Variants in MBOAT7 observed in about 807,000 individuals in gnomAD.
MBOAT7 encodes membrane bound acylglycerophosphatidylinositol O-acyltransferase MBOAT7.
Under a neutral mutation model 47.4 loss-of-function variants are expected in MBOAT7, and 40 were observed. That is an observed-to-expected ratio of 0.84 (90% CI 0.66 to 1.10). MBOAT7 has a LOEUF of 1.10. Among genes scored for constraint, MBOAT7 ranks in the 50% least tolerant of loss-of-function variants. The probability of loss-of-function intolerance (pLI) is 0.00; values close to 1 mark genes in which losing one functional copy is unlikely to be tolerated. For missense variants in MBOAT7, 680 were observed against 655.6 expected (o/e 1.04, Z -0.41); for synonymous variants, 361 against 292.0 (o/e 1.24, Z -2.41).
chr19:54,178,691 G>A (rs1052118032), intron 7 of MBOAT7, 74 bp downstream of exon 7: 33 of 1,558,624 alleles, frequency 2.1e-5, no homozygotes, highest in South Asian at 1.1e-4. Flanking sequence ...AGCCAGGGAC[G>A]CTGCAGGCTA....
At chr19:54,188,064 AG>A (rs879444837) in intron 3 of MBOAT7, among the ~76,000 whole-genome samples, 152 bp downstream of exon 3, 9 of 56,626 alleles carry the variant, frequency 1.6e-4, no homozygotes, top group Admixed American at 2.9e-4. Context: ...AAAGAAAGAA[AG>A]AAAGACAAAC....
In MBOAT7 at chr19:54,188,491, C is replaced by T; in HGVS notation, c.18G>A (p.Trp6Ter). The T allele has an allele frequency of 6.4e-7, 1 of 1,553,686 alleles. No homozygotes were observed. Among genetic ancestry groups the T allele is most frequent in the Non-Finnish European group, 8.7e-7 (1 of 1,147,852 alleles). Residue 6 changes from tryptophan (W) to a stop codon, truncating the protein, a stop_gained, in exon 2 of 8, where the codon TGG becomes TGA. Transcript: ENST00000245615. LOFTEE classifies it high-confidence loss of function. MSPEE[W>*]TYLVVLLISI... ...AGATAAGAAGAACCACTAGATACGT[C>T]CATTCTTCAGGCGACATGGTCTGGG...
chr19:54,178,986 C>G lies in MBOAT7; in HGVS notation c.855-45G>C, dbSNP rs377123036. The G allele has an allele frequency of 6.2e-6, 10 of 1,600,550 alleles. No individual in the cohort carries two copies. In the African/African-American group the frequency reaches 1.1e-4, roughly 17 times the overall value. On this transcript the variant is annotated intron_variant, in intron 6 of 7. Coordinates refer to ENST00000245615, the MANE Select transcript of MBOAT7 (RefSeq NM_024298.5). ...GGTGGGGGACAGACATGCAGCTCAG[C>G]CAGGCCCCCTCCCGACGCCTGCTAG...
chr19:54,181,937 A>G (rs1188673968), intron 5 of MBOAT7, among the ~76,000 whole-genome samples: 129 of 17,596 alleles, frequency 7.3e-3, no homozygotes, highest in Admixed American at 9.8e-3. Flanking sequence ...GAGGGAGGGA[A>G]GGAGGGAAGG....
Position 54,187,251 on chromosome 19 carries a change from G to C in MBOAT7, c.243C>G (p.Ser81=). 1.9e-6 allele frequency: 3 copies of C among 1,610,600 alleles called. No individual in the cohort carries two copies. In the African/African-American group the frequency reaches 4.0e-5, roughly 21 times the overall value. Residue 81 remains serine (S), a synonymous_variant, in exon 4 of 8, where the codon TCC becomes TCG. Transcript: ENST00000245615. The part of the protein sequence containing the change: ...CHALALAWTF[S]YLLFFRALSL... ...TGAGGGCTCGGAAGAACAGGAGATA[G>C]GAGAAAGTCCAGGCCAGAGCCAGGG...
At position 54,178,827 on chromosome 19, in the gene MBOAT7, C is replaced by A; in HGVS notation, c.969G>T (p.Thr323=). The A allele has an allele frequency of 6.2e-7, 1 of 1,613,618 alleles. No individual in the cohort carries two copies. The highest frequency in any genetic ancestry group is 1.7e-5 in the Admixed American group (1 of 60,018). The part of the protein sequence containing the change: ...VRDGMRYWNM[T]VQWWLAQYIY... ...TATACTGCGCCAGCCACCACTGCAC[C>A]GTCATGTTCCAGTACCGCATGCCAT... The change falls in exon 7 of 8, where the codon ACG becomes ACT. Residue 323 remains threonine, a synonymous_variant. Coordinates refer to ENST00000245615, the MANE Select transcript of MBOAT7 (RefSeq NM_024298.5).
intron 5 of MBOAT7, 88 bp downstream of exon 5, chr19:54,183,433 G>C: frequency 6.7e-7 from 1 of 1,486,858 alleles, no homozygotes; most frequent in South Asian, 1.3e-5. Context: ...AGGTTGCCCT[G>C]GGCAGGGCGG....
intron 7 of MBOAT7, among the ~76,000 whole-genome samples, chr19:54,175,169 G>T (rs151179818): frequency 4.6e-5 from 7 of 151,960 alleles, no homozygotes; most frequent in Non-Finnish European, 7.4e-5. Context: ...TAGTAGAGAC[G>T]GGGTTTCACC....
chr19:54,175,199 CG>C (rs2076069572), intron 7 of MBOAT7, among the ~76,000 whole-genome samples: 2 of 152,104 alleles, frequency 1.3e-5, no homozygotes, highest in African/African-American at 2.4e-5. Flanking sequence ...AGGATGGTCT[CG>C]ATCTCCTGAC....
chr19:54,182,862 G>T (rs760806232), intron 5 of MBOAT7, among the ~76,000 whole-genome samples: 1 of 151,908 alleles, frequency 6.6e-6, no homozygotes, highest in Non-Finnish European at 1.5e-5. Flanking sequence ...CACCATGCCC[G>T]GCTAATTTTT....
chr19:54,185,465 T>C (rs934939892), intron 4 of MBOAT7, among the ~76,000 whole-genome samples: 1 of 152,092 alleles, frequency 6.6e-6, no homozygotes, highest in Non-Finnish European at 1.5e-5. Context: ...CACCATCCCT[T>C]CTTGCTCTTC....
At chr19:54,175,927 G>A (rs994062759) in intron 7 of MBOAT7, among the ~76,000 whole-genome samples, 3 of 152,206 alleles carry the variant, frequency 2.0e-5, no homozygotes, top group African/African-American at 7.2e-5. Context: ...GTTTCACCAT[G>A]TTGGCCAGGA....
At chr19:54,175,905 G>C (rs566799858) in intron 7 of MBOAT7, among the ~76,000 whole-genome samples, 1 of 152,022 alleles carries the variant, frequency 6.6e-6, no homozygotes, top group East Asian at 1.9e-4. Flanking sequence ...TTGTATTTCT[G>C]GTAAAGACGG....
chr19:54,180,754 C>A lies in MBOAT7; in HGVS notation c.854+19G>T, dbSNP rs2076238796. The stretch of plus-strand genomic sequence containing the variant: ...TGGGGGCTGCTGGGTCTTGGGAAGC[C>A]TCCCTCGCGCCGCCTGACCTGCTGG... On this transcript the variant is annotated intron_variant, in intron 6 of 7. Coordinates refer to ENST00000245615, the MANE Select transcript of MBOAT7 (RefSeq NM_024298.5). The surrounding 1 kb of genome is among the most constrained non-coding windows in gnomAD (Gnocchi z 5.2). 1 of 1,489,758 alleles carries A rather than the reference C, an allele frequency of 6.7e-7. No individual in the cohort carries two copies. Among genetic ancestry groups the A allele is most frequent in the Non-Finnish European group, 8.9e-7 (1 of 1,127,866 alleles). 92.3% of individuals were successfully genotyped at this position (1,489,758 alleles called of 1,614,324 possible). A position where few individuals can be genotyped will look rare whatever the true frequency, so the allele number is the denominator to read the frequency against.
At position 54,174,262 on chromosome 19, in the gene MBOAT7, A is replaced by G. The variant is rs926926210; in HGVS notation, c.1201T>C (p.Phe401Leu). ...TAGTCATAGGCGCGCATCTTCAGGAACCAGTGCACCCAGTCCCAGGCCTTC... is the reference window on the plus strand; with the variant it reads ...TAGTCATAGGCGCGCATCTTCAGGAGCCAGTGCACCCAGTCCCAGGCCTTC... ...GQKAWDWVHW[F>L]LKMRAYDYMC... The change falls in exon 8 of 8, where the codon TTC becomes CTC. Residue 401 changes from phenylalanine to leucine, a missense_variant. Phe to Leu is a conservative substitution (Grantham distance 22). Transcript: ENST00000245615. The G allele has an allele frequency of 6.2e-7, 1 of 1,610,638 alleles. No individual in the cohort carries two copies. The highest frequency in any genetic ancestry group is 8.5e-7 in the Non-Finnish European group (1 of 1,178,088).
Position 54,173,717 on chromosome 19 carries a change from G to C in MBOAT7, c.*327C>G. 1 of 331,896 alleles carries C rather than the reference G, an allele frequency of 3.0e-6. No homozygotes were observed. The highest frequency in any genetic ancestry group is 5.5e-6 in the Non-Finnish European group (1 of 182,260). The allele number at this position is 331,896 out of a possible 1,614,324, so 20.6% of individuals were successfully genotyped here. A position where few individuals can be genotyped will look rare whatever the true frequency, so the allele number is the denominator to read the frequency against. The stretch of plus-strand genomic sequence containing the variant: ...TCCGACCCCACATTGTGGATGCAAA[G>C]AAAGGGAATTTGCCCAAAACCCACT... On this transcript the variant is annotated 3_prime_UTR_variant, in exon 8 of 8. Transcript: ENST00000245615.
intron 5 of MBOAT7, among the ~76,000 whole-genome samples, chr19:54,182,630 T>C (rs1402110918): frequency 1.3e-5 from 2 of 151,914 alleles, no homozygotes; most frequent in Admixed American, 6.6e-5. Context: ...TAATGAAAAA[T>C]ATTTTCTTTT....
intron 5 of MBOAT7, among the ~76,000 whole-genome samples, chr19:54,183,196 C>T (rs554614322): frequency 6.6e-6 from 1 of 152,216 alleles, no homozygotes; most frequent in African/African-American, 2.4e-5. Flanking sequence ...GAAAGTGGAC[C>T]CTAAGCCGTG....
In MBOAT7 at chr19:54,174,435, A is replaced by G. The variant is rs2076019520; in HGVS notation, c.1032-4T>C. Reference sequence around the variant, plus strand: ...CAGCAGCATGGTCCAGGCGCTCCTGAGGAGGAGGCTGGGAGTCAGGACCTA... The same window carrying G: ...CAGCAGCATGGTCCAGGCGCTCCTGGGGAGGAGGCTGGGAGTCAGGACCTA... On this transcript the variant is annotated splice_region_variant and splice_polypyrimidine_tract_variant and intron_variant, in intron 7 of 7. Coordinates refer to ENST00000245615, the MANE Select transcript of MBOAT7 (RefSeq NM_024298.5). 8 of 1,537,472 alleles carry G rather than the reference A, an allele frequency of 5.2e-6. No individual in the cohort carries two copies. The highest frequency in any genetic ancestry group is 2.8e-5 in the African/African-American group (2 of 72,192).
Sources: gnomAD v4.1 joint callset for allele counts (sites outside exome capture counted in the v4.1 genomes callset) on GRCh38, gnomAD v4.1.1 for gene constraint, Gnocchi (gnomAD v3.1) non-coding constraint, MANE v1.5 for transcripts, NCBI Gene and HGNC (gene_info 2026-07-23, HGNC 2026-07-21) for gene names.